The following NAA20 variants were observed in gnomAD, a reference collection of about 807,000 sequenced individuals.
NAA20 encodes N-alpha-acetyltransferase 20, NatB catalytic subunit.
A neutral mutation model predicts 23.8 loss-of-function variants in NAA20; 24 were observed. The observed-to-expected ratio is 1.01, with a 90% CI of 0.73 to 1.42. NAA20 has a LOEUF of 1.42. NAA20 is among the 40% of genes most tolerant of loss of function. NAA20 has a pLI of 0.00. For missense variants in NAA20, 166 were observed against 223.1 expected, an observed-to-expected ratio of 0.74 and a Z score of 1.63; for synonymous variants, 83 against 77.7, an observed-to-expected ratio of 1.07 and a Z score of -0.36.
At chr20:20,028,887 C>T (rs893627439) in intron 4 of NAA20, among the ~76,000 whole-genome samples, 5 of 152,284 alleles carry the variant, frequency 3.3e-5, no homozygotes, top group African/African-American at 1.2e-4. Context: ...CAAATATTGT[C>T]AGTAATTACA....
At chr20:20,032,993 G>A (rs2043358463) in intron 5 of NAA20, 109 bp from the exon 6 acceptor site, 1 of 860,000 alleles carries the variant, frequency 1.2e-6, no homozygotes, top group Admixed American at 2.3e-5. Flanking sequence ...CTTAGAATAT[G>A]GTGAAGTGGG....
rs1398654108 is a variant in NAA20 at position 20,032,526 on chromosome 20, G to C, written c.324G>C (p.Val108=). 1 of 1,610,850 alleles carries C rather than the reference G, an allele frequency of 6.2e-7. No homozygotes were observed. Among genetic ancestry groups the C allele is most frequent in the East Asian group, 2.2e-5 (1 of 44,788 alleles). ...EISERKGGFF[V]DLFVRVSNQV... ...TTTAAAGAAAGGGTGGATTTTTTGT[G>C]GATCTCTTTGTAAGAGTATCTAACC... The change falls in exon 5 of 6, where the codon GTG becomes GTC. Residue 108 remains valine, a synonymous_variant. Transcript: ENST00000334982.
In NAA20 at chr20:20,026,813, A is replaced by G. The variant is rs769927668; in HGVS notation, c.199A>G (p.Arg67Gly). ...IMGKAEGSVA[R>G]EEWHGHVTAL... ...GGGTAAAGCAGAAGGCTCAGTAGCT[A>G]GGGAAGAATGGCACGGGCACGTCAC... Residue 67 changes from arginine to glycine, a missense_variant, in exon 4 of 6, where the codon AGG becomes GGG. Coordinates refer to ENST00000334982, the MANE Select transcript of NAA20 (RefSeq NM_016100.5). 2 of 1,614,194 alleles carry G rather than the reference A, an allele frequency of 1.2e-6. No homozygotes were observed.
chr20:20,032,761 A>G, intron 5 of NAA20, 108 bp downstream of exon 5: 1 of 1,355,306 alleles, frequency 7.4e-7, no homozygotes, highest in Non-Finnish European at 9.7e-7. Flanking sequence ...TTGACTTTAA[A>G]ATTTAAATTT....
intron 5 of NAA20, 78 bp from the exon 6 acceptor site, chr20:20,033,024 T>C: frequency 1.7e-6 from 2 of 1,156,062 alleles, no homozygotes; most frequent in African/African-American, 1.5e-5. Context: ...AAACCTCTTA[T>C]GGGAACTTTA....
chr20:20,027,221 C>G (rs1396096828), intron 4 of NAA20, among the ~76,000 whole-genome samples: 1 of 152,204 alleles, frequency 6.6e-6, no homozygotes. Context: ...CAGTGGCACA[C>G]ATTCCTAAAA....
At chr20:20,028,449 C>T (rs1037723789) in intron 4 of NAA20, among the ~76,000 whole-genome samples, 3 of 152,006 alleles carry the variant, frequency 2.0e-5, no homozygotes, top group Admixed American at 6.6e-5. Context: ...AACAAACCTG[C>T]ACGTTCTGCA....
chr20:20,027,953 A>G (rs2043317649), intron 4 of NAA20, among the ~76,000 whole-genome samples: 3 of 152,196 alleles, frequency 2.0e-5, no homozygotes, highest in Admixed American at 1.3e-4. Context: ...AGGAAAGAGA[A>G]TAGTTGCTGA....
At chr20:20,031,722 A>C (rs2043345139) in intron 4 of NAA20, among the ~76,000 whole-genome samples, 1 of 152,214 alleles carries the variant, frequency 6.6e-6, no homozygotes, top group African/African-American at 2.4e-5. Flanking sequence ...AATTGTATGA[A>C]AGATTTAAGT....
At chr20:20,027,014 AC>A in intron 4 of NAA20, 95 bp downstream of exon 4, 1 of 1,475,752 alleles carries the variant, frequency 6.8e-7, no homozygotes, top group Admixed American at 1.8e-5. Flanking sequence ...TTTACAGTTC[AC>A]AGGAATTTCA....
At chr20:20,022,675 T>G (rs2043278334) in intron 2 of NAA20, 195 bp downstream of exon 2, 4 of 502,514 alleles carry the variant, frequency 8.0e-6, no homozygotes, top group Non-Finnish European at 1.4e-5. Context: ...TGACAAACTG[T>G]TAATATCATG....
chr20:20,030,077 A>G (rs1029790911), intron 4 of NAA20, among the ~76,000 whole-genome samples: 10 of 152,208 alleles, frequency 6.6e-5, no homozygotes, highest in Non-Finnish European at 1.2e-4. Context: ...AATGACTGAA[A>G]GGTCACTTTT....
At chr20:20,029,127 G>C (rs750264776) in intron 4 of NAA20, among the ~76,000 whole-genome samples, 1 of 152,044 alleles carries the variant, frequency 6.6e-6, no homozygotes, top group Non-Finnish European at 1.5e-5. Context: ...GACAAAGGCT[G>C]TCTGTATTGT....
rs2043330154 is a variant in NAA20 at position 20,029,749 on chromosome 20, G to T, written c.306-2759G>T. Among the ~76,000 whole-genome samples the T allele has an allele frequency of 1.3e-5, 2 of 152,188 alleles. 1 individual carries two copies. ...TTATTATAATGGGAGATTTAGACAT[G>T]CTTTTTTCTAATTGATAGAACAATG... is the stretch of plus-strand genomic sequence containing the variant. On this transcript the variant is annotated intron_variant, in intron 4 of 5. Transcript: ENST00000334982.
intron 2 of NAA20, among the ~76,000 whole-genome samples, chr20:20,024,629 A>T (rs1206991414): frequency 6.6e-6 from 1 of 152,224 alleles, no homozygotes; most frequent in Non-Finnish European, 1.5e-5. Context: ...AAAGTCCCAT[A>T]ATCCAGGTGA....
intron 4 of NAA20, among the ~76,000 whole-genome samples, chr20:20,031,252 C>G (rs1013596836): frequency 6.6e-6 from 1 of 152,128 alleles, no homozygotes; most frequent in Non-Finnish European, 1.5e-5. Context: ...TTATCTAGAC[C>G]AGTGTTACAG....
At chr20:20,021,949 A>G (rs2043271117) in intron 1 of NAA20, among the ~76,000 whole-genome samples, 1 of 152,078 alleles carries the variant, frequency 6.6e-6, no homozygotes, top group Non-Finnish European at 1.5e-5. Flanking sequence ...AGGAATGGGG[A>G]TGGTGGGGAC....
At chr20:20,033,055 TA>T in intron 5 of NAA20, 46 bp from the exon 6 acceptor site, 1 of 1,400,714 alleles carries the variant, frequency 7.1e-7, no homozygotes, top group South Asian at 1.2e-5. Context: ...TTACATTTGA[TA>T]TAATACATTT....
intron 1 of NAA20, 91 bp from the exon 2 acceptor site, chr20:20,022,365 T>G: frequency 4.6e-6 from 6 of 1,292,360 alleles, no homozygotes; most frequent in Non-Finnish European, 6.5e-6. Flanking sequence ...TTTGTTTTCC[T>G]TGTGGCATAT....
Sources: allele counts gnomAD v4.1 joint callset (sites outside exome capture counted in the v4.1 genomes callset), GRCh38; gene constraint gnomAD v4.1.1; transcripts MANE v1.5; gene names NCBI Gene and HGNC (gene_info 2026-07-23, HGNC 2026-07-21).